FMN1: variants seen among roughly 807,000 people sequenced by gnomAD.
FMN1 encodes the protein formin-1.
In FMN1, 110 loss-of-function variants were observed where a neutral mutation model predicts 132.4. The observed-to-expected ratio is 0.83, with a 90% confidence interval of 0.71 to 0.97. FMN1 has a LOEUF of 0.97. Ranked by LOEUF, FMN1 falls within the 50% of genes least tolerant of loss-of-function variation. The pLI, the probability that FMN1 is intolerant of heterozygous loss-of-function variation, is 0.00. For synonymous variants in FMN1, 722 were observed against 651.7 expected (o/e 1.11, Z -1.64); for missense variants, 1,792 against 1,705.3 (o/e 1.05, Z -0.90).
intron 6 of FMN1, among the ~76,000 whole-genome samples, chr15:33,029,712 G>C (rs1297229140): frequency 2.0e-5 from 3 of 151,952 alleles, no homozygotes; most frequent in African/African-American, 7.3e-5. Context: ...GTGTCTCAGA[G>C]AAGGAAGTGA....
At chr15:33,157,457 T>C (rs992966250) in intron 3 of FMN1, among the ~76,000 whole-genome samples, 8 of 152,086 alleles carry the variant, frequency 5.3e-5, no homozygotes, top group Non-Finnish European at 7.4e-5. Context: ...GAAACTGAAA[T>C]TCAGAGATAA....
chr15:32,946,707 T>G (rs923162433), intron 9 of FMN1, among the ~76,000 whole-genome samples: 13 of 152,086 alleles, frequency 8.5e-5, no homozygotes, highest in Admixed American at 3.9e-4. Context: ...AAATGTGAAG[T>G]TGGAGGACTG....
At chr15:33,004,380 G>A (rs893552641) in intron 7 of FMN1, among the ~76,000 whole-genome samples, 72 of 152,106 alleles carry the variant, frequency 4.7e-4, no homozygotes, top group Non-Finnish European at 8.4e-4. Context: ...GTAGGCGAAG[G>A]ATATGAACAG....
chr15:32,776,426 C>T (rs1380371368), intron 20 of FMN1, among the ~76,000 whole-genome samples: 1 of 152,184 alleles, frequency 6.6e-6, no homozygotes, highest in East Asian at 1.9e-4. Flanking sequence ...TAGGCTGTAT[C>T]TTTCTGCACT....
intron 4 of FMN1, among the ~76,000 whole-genome samples, chr15:33,096,779 T>C (rs1304544901): frequency 6.6e-6 from 1 of 152,170 alleles, no homozygotes; most frequent in Non-Finnish European, 1.5e-5. Flanking sequence ...TTTATTTTTG[T>C]ATCTTTGGAT....
At chr15:33,147,853 T>C (rs1280549441) in intron 4 of FMN1, among the ~76,000 whole-genome samples, 2 of 152,214 alleles carry the variant, frequency 1.3e-5, no homozygotes, top group African/African-American at 2.4e-5. Flanking sequence ...TAAAATTCTC[T>C]TTATGCTTTA....
chr15:32,970,686 T>TAC (rs1268789548), intron 7 of FMN1: 1 of 152,230 alleles, frequency 6.6e-6, no homozygotes, highest in East Asian at 1.9e-4. Context: ...GGGAAAGGTA[T>TAC]ACACACAGGA....
intron 16 of FMN1, among the ~76,000 whole-genome samples, chr15:32,864,914 A>G (rs2059356712): frequency 6.6e-6 from 1 of 152,244 alleles, no homozygotes; most frequent in African/African-American, 2.4e-5. Context: ...AGAATGAAAT[A>G]TTTGGCCATT....
At chr15:32,867,245 C>T (rs2059411910) in intron 16 of FMN1, among the ~76,000 whole-genome samples, 1 of 152,182 alleles carries the variant, frequency 6.6e-6, no homozygotes. Context: ...CCTGCTTAAA[C>T]CTGCAGGCAC....
At chr15:33,125,778 C>T (rs1175924066) in intron 4 of FMN1, among the ~76,000 whole-genome samples, 1 of 151,968 alleles carries the variant, frequency 6.6e-6, no homozygotes, top group African/African-American at 2.4e-5. Context: ...GTAAAAACTC[C>T]CACTGTTTTA....
intron 3 of FMN1, among the ~76,000 whole-genome samples, chr15:33,163,070 C>T (rs780917121): frequency 3.9e-5 from 6 of 151,906 alleles, no homozygotes; most frequent in Non-Finnish European, 8.8e-5. Context: ...TGCAGTGAGC[C>T]GAGATCACGC....
intron 16 of FMN1, among the ~76,000 whole-genome samples, chr15:32,887,535 T>A (rs1224662523): frequency 1.3e-5 from 2 of 152,220 alleles, no homozygotes; most frequent in Non-Finnish European, 2.9e-5. Flanking sequence ...TAAATTAAAC[T>A]AAAATGGAAT....
At chr15:32,945,887 T>C (rs151332444) in intron 9 of FMN1, among the ~76,000 whole-genome samples, 2,579 of 152,242 alleles carry the variant, frequency 0.017, 33 homozygotes, top group Non-Finnish European at 0.027. Context: ...CACCTCACAT[T>C]TTCCTTTTGC....
chr15:33,067,167 ACC>A (rs1196563439), intron 5 of FMN1: 1 of 1,613,646 alleles, frequency 6.2e-7, no homozygotes, highest in Admixed American at 1.7e-5. Flanking sequence ...AGGTCTTGGG[ACC>A]CTTCTTCTCC....
intron 4 of FMN1, among the ~76,000 whole-genome samples, chr15:33,148,178 C>T (rs1430441481): frequency 6.6e-6 from 1 of 152,170 alleles, no homozygotes; most frequent in African/African-American, 2.4e-5. Flanking sequence ...CTTCTTTCCC[C>T]TGTTGCTCAT....
intron 9 of FMN1, among the ~76,000 whole-genome samples, chr15:32,929,339 C>T (rs904101241): frequency 6.6e-6 from 1 of 152,190 alleles, no homozygotes; most frequent in Non-Finnish European, 1.5e-5. Context: ...GGACACAATG[C>T]GCACAGAATG....
At chr15:32,780,440 T>A (rs1436276651) in intron 19 of FMN1, among the ~76,000 whole-genome samples, 1 of 152,234 alleles carries the variant, frequency 6.6e-6, no homozygotes, top group Admixed American at 6.5e-5. Flanking sequence ...GTCAGGAAGT[T>A]ACCCTGTATG....
intron 17 of FMN1, among the ~76,000 whole-genome samples, chr15:32,811,666 TTGC>T (rs1289077891): frequency 6.7e-6 from 1 of 149,928 alleles, no homozygotes; most frequent in African/African-American, 2.4e-5. Flanking sequence ...ATCATTTTAT[TTGC>T]TTTTTTTTTT....
At chr15:32,817,811 C>T (rs1054436183) in intron 17 of FMN1, among the ~76,000 whole-genome samples, 1 of 152,168 alleles carries the variant, frequency 6.6e-6, no homozygotes, top group Non-Finnish European at 1.5e-5. Flanking sequence ...TCCAGAGTCA[C>T]CTTTCAATCA....
Sources: allele counts gnomAD v4.1 joint callset (sites outside exome capture counted in the v4.1 genomes callset), GRCh38; gene constraint gnomAD v4.1.1; transcripts MANE v1.5; gene names NCBI Gene and HGNC (gene_info 2026-07-23, HGNC 2026-07-21).